Variants in PRR19 observed in about 807,000 individuals in gnomAD.
PRR19 encodes the protein proline rich 19, also known as proline-rich protein 19.
Under a neutral mutation model 19.2 loss-of-function variants are expected in PRR19, and 9 were observed. The ratio of observed to expected loss-of-function variants is 0.47; its 90% CI spans 0.28 to 0.82. The LOEUF (loss-of-function observed/expected upper bound fraction) is 0.82. PRR19 is among the 40% of genes least tolerant of loss of function. The pLI, the probability that PRR19 is intolerant of heterozygous loss-of-function variation, is 0.11. For missense variants in PRR19, 457 were observed against 466.0 expected (o/e 0.98, Z 0.18); for synonymous variants, 190 against 191.0 (o/e 0.99, Z 0.04).
At chr19:42,308,085 T>C (rs868568573) in intron 1 of PRR19, among the ~76,000 whole-genome samples, 1 of 152,194 alleles carries the variant, frequency 6.6e-6, no homozygotes, top group African/African-American at 2.4e-5. Context: ...TGTTTCCCCA[T>C]GTCCCTGTTC....
chr19:42,302,608 G>A, intron 1 of PRR19, 105 bp downstream of exon 1: 2 of 390,332 alleles, frequency 5.1e-6, no homozygotes, highest in South Asian at 7.2e-5. Context: ...CACCCGGCAC[G>A]GGGTGGGGGG....
Position 42,310,655 on chromosome 19 carries a change from C to T in PRR19, c.986C>T (p.Pro329Leu). ...RTSVLDWSPSPPSPLPSLSWV... is the reference protein window; with the variant it reads ...RTSVLDWSPSLPSPLPSLSWV... ...TCTGTCCTGGACTGGAGCCCCAGCC[C>T]CCCTTCCCCACTGCCCAGCCTCTCC... Residue 329 changes from proline (P) to leucine (L), a missense_variant, in exon 3 of 3, where the codon CCC (proline) becomes CTC (leucine). Transcript: ENST00000341747. The T allele has an allele frequency of 6.2e-7, 1 of 1,612,060 alleles. No homozygotes were observed. Among genetic ancestry groups the T allele is most frequent in the Non-Finnish European group, 8.5e-7 (1 of 1,178,972 alleles).
chr19:42,306,159 C>T (rs539257366), intron 1 of PRR19, among the ~76,000 whole-genome samples: 2 of 152,208 alleles, frequency 1.3e-5, no homozygotes, highest in South Asian at 4.2e-4. Context: ...GTAGCTGGGC[C>T]CACAGGCAAG....
At chr19:42,306,439 C>T (rs913101063) in intron 1 of PRR19, among the ~76,000 whole-genome samples, 2 of 152,106 alleles carry the variant, frequency 1.3e-5, no homozygotes, top group African/African-American at 4.8e-5. Flanking sequence ...TCCCAAAGTG[C>T]TGGGATTACA....
At position 42,310,602 on chromosome 19, in the gene PRR19, G is replaced by A. The variant is rs776008392; in HGVS notation, c.933G>A (p.Gln311=). ...TTGGCCTCCCTCAGCCCCTGCCTCAGCCTTCATCACCCCTGTTGCCCCGAA... is the reference window on the plus strand; with the variant it reads ...TTGGCCTCCCTCAGCCCCTGCCTCAACCTTCATCACCCCTGTTGCCCCGAA... ...WGVGLPQPLP[Q]PSSPLLPRTS... is the part of the protein sequence containing the mutation. The change falls in exon 3 of 3, where the codon CAG becomes CAA. Residue 311 remains glutamine (Q), a synonymous_variant. Transcript: ENST00000341747. 1 of 1,614,060 alleles carries A rather than the reference G, an allele frequency of 6.2e-7. No homozygotes were observed. Among genetic ancestry groups the A allele is most frequent in the African/African-American group, 1.3e-5 (1 of 75,034 alleles).
intron 1 of PRR19, among the ~76,000 whole-genome samples, chr19:42,305,831 A>G (rs2038701063): frequency 6.6e-6 from 1 of 152,196 alleles, no homozygotes; most frequent in Non-Finnish European, 1.5e-5. Context: ...CAGTTGTGCC[A>G]TTTTGGGCAT....
intron 1 of PRR19, among the ~76,000 whole-genome samples, chr19:42,303,764 A>G (rs1313213480): frequency 6.6e-6 from 1 of 152,192 alleles, no homozygotes. Flanking sequence ...TTAGGGAGAC[A>G]GATCCAGACA....
rs1345549280 is a variant in PRR19 at position 42,302,199 on chromosome 19, G to C, written c.-311G>C. On this transcript the variant is annotated 5_prime_UTR_variant, in exon 1 of 3. Transcript: ENST00000341747. ...CTCCTGAGCCACCCCCCGCGCCCCC[G>C]GACTCCTCAATATCCCAGGTGGGAA... The C allele has an allele frequency of 6.4e-7, 1 of 1,557,506 alleles. No homozygotes were observed. Among genetic ancestry groups the C allele is most frequent in the Non-Finnish European group, 8.7e-7 (1 of 1,148,800 alleles).
chr19:42,307,242 G>A (rs2038719142), intron 1 of PRR19, among the ~76,000 whole-genome samples: 1 of 152,188 alleles, frequency 6.6e-6, no homozygotes, highest in Admixed American at 6.5e-5. Context: ...TTCTCTTGAG[G>A]TTTTCTCAGG....
rs1568543984 is a variant in PRR19 at position 42,310,732 on chromosome 19, CTG to C, written c.1065_1066del (p.Tyr356LeufsTer5). The C allele has an allele frequency of 2.6e-6, 4 of 1,550,370 alleles. No individual in the cohort carries two copies. ...PEAWSFPPMRLY is the reference protein window; with the variant it reads ...PEAWSFPPMRXY ...AGCCTGGTCTTTTCCACCCATGAGA[CTG>C]TACTGAGGAGAGGCTGAGGCTAGGG... is the stretch of plus-strand genomic sequence containing the variant. On this transcript the variant is annotated frameshift_variant, in exon 3 of 3. Transcript: ENST00000341747. LOFTEE classifies it high-confidence loss of function.
At chr19:42,307,549 C>T (rs1445283608) in intron 1 of PRR19, among the ~76,000 whole-genome samples, 1 of 151,434 alleles carries the variant, frequency 6.6e-6, no homozygotes, top group Non-Finnish European at 1.5e-5. Flanking sequence ...GATTCTCCTG[C>T]CTCAGCCTCT....
Position 42,310,445 on chromosome 19 carries a change from G to A in PRR19, c.776G>A (p.Arg259Lys), listed in dbSNP as rs773625857. ...CACAGGGGGAGTCTGGCACCGCCAA[G>A]AGGTCCCTGGCCACCATACTTTCCC... is the stretch of plus-strand genomic sequence containing the variant. ...TAHRGSLAPP[R>K]GPWPPYFPSL... Residue 259 changes from arginine to lysine, a missense_variant, in exon 3 of 3, where the codon AGA becomes AAA. By Grantham distance (26) the Arg-to-Lys change is conservative. Transcript: ENST00000341747. 8 of 1,614,204 alleles carry A rather than the reference G, an allele frequency of 5.0e-6. No homozygotes were observed. The highest frequency in any genetic ancestry group is 5.9e-6 in the Non-Finnish European group (7 of 1,180,028).
In PRR19 at chr19:42,309,598, G is replaced by T; in HGVS notation, c.14G>T (p.Gly5Val). The T allele has an allele frequency of 6.6e-7, 1 of 1,525,742 alleles. No individual in the cohort carries two copies. Among genetic ancestry groups the T allele is most frequent in the South Asian group, 1.3e-5 (1 of 77,986 alleles). The allele number at this position is 1,525,742 out of a possible 1,614,324, so 94.5% of individuals were successfully genotyped here. MDTQGPVSQPFQQPE... is the reference protein window; with the variant it reads MDTQVPVSQPFQQPE... ...TTCCAGGACACCATGGATACCCAGG[G>T]ACCAGTCTCCCAGCCTTTTCAGCAG... The change falls in exon 2 of 3, where the codon GGA becomes GTA. Residue 5 changes from glycine (G) to valine (V), a missense_variant. Gly to Val is a moderately radical substitution (Grantham distance 109). Transcript: ENST00000341747.
At chr19:42,309,518 C>T (rs1055217007) in intron 1 of PRR19, 61 bp from the exon 2 acceptor site, 4 of 1,318,880 alleles carry the variant, frequency 3.0e-6, no homozygotes, top group Non-Finnish European at 4.2e-6. Context: ...CCTCCCTATT[C>T]ACTTTGCTAC....
Position 42,309,985 on chromosome 19 carries a change from G to C in PRR19, c.401G>C (p.Gly134Ala), listed in dbSNP as rs1415455178. ...CAGGTGCCTGGAGGTTCGGGCCCAGGCCCACCCAGTTCCCCAGAGTTGTCT... is the reference window on the plus strand; with the variant it reads ...CAGGTGCCTGGAGGTTCGGGCCCAGCCCCACCCAGTTCCCCAGAGTTGTCT... ...ENQVPGGSGP[G>A]PPSSPELSGV... is the part of the protein sequence containing the mutation. Residue 134 changes from glycine to alanine, a missense_variant, in exon 2 of 3, where the codon GGC (glycine) becomes GCC (alanine). Coordinates refer to ENST00000341747, the MANE Select transcript of PRR19 (RefSeq NM_199285.3). 1.2e-6 allele frequency: 2 copies of C among 1,613,904 alleles called. No homozygotes were observed. Among genetic ancestry groups the C allele is most frequent in the Non-Finnish European group, 1.7e-6 (2 of 1,180,032 alleles).
Position 42,310,495 on chromosome 19 carries a change from G to T in PRR19, c.826G>T (p.Ala276Ser). The change falls in exon 3 of 3, where the codon GCC (alanine) becomes TCC (serine). Residue 276 changes from alanine to serine, a missense_variant. By Grantham distance (99) the Ala-to-Ser change is moderately conservative. Coordinates refer to ENST00000341747, the MANE Select transcript of PRR19 (RefSeq NM_199285.3). ...FPSLSSPSGT[A>S]WGPPTAFDLL... ...CTCACTGTCTTCGCCATCTGGAACA[G>T]CCTGGGGTCCCCCAACAGCGTTTGA... 1 of 1,614,202 alleles carries T rather than the reference G, an allele frequency of 6.2e-7. No homozygotes were observed. The highest frequency in any genetic ancestry group is 8.5e-7 in the Non-Finnish European group (1 of 1,180,030).
intron 1 of PRR19, among the ~76,000 whole-genome samples, chr19:42,306,524 G>GAAC (rs1438091575): frequency 6.6e-6 from 1 of 151,356 alleles, no homozygotes; most frequent in Non-Finnish European, 1.5e-5. Flanking sequence ...GGGTGGTCTT[G>GAAC]AACTCTTGGG....
At chr19:42,305,967 G>A (rs951626355) in intron 1 of PRR19, among the ~76,000 whole-genome samples, 2 of 152,030 alleles carry the variant, frequency 1.3e-5, no homozygotes, top group African/African-American at 4.8e-5. Flanking sequence ...CACTTCCCAG[G>A]TTCAAGCAAT....
At chr19:42,309,417 T>A (rs1203902203) in intron 1 of PRR19, 162 bp from the exon 2 acceptor site, 2 of 563,008 alleles carry the variant, frequency 3.6e-6, no homozygotes, top group East Asian at 5.4e-5. Context: ...CCATGTTGGC[T>A]AGGCTGGTCT....
Sources: gnomAD v4.1 joint callset for allele counts (sites outside exome capture counted in the v4.1 genomes callset) on GRCh38, gnomAD v4.1.1 for gene constraint, MANE v1.5 for transcripts, NCBI Gene and HGNC (gene_info 2026-07-23, HGNC 2026-07-21) for gene names.